The following HUNK variants were observed in gnomAD, a reference collection of about 807,000 sequenced individuals.
The protein encoded by HUNK is hormonally up-regulated Neu-associated kinase.
In HUNK, 21 loss-of-function variants were observed where a neutral mutation model predicts 61.0. That is an observed-to-expected ratio of 0.34 (90% CI 0.24 to 0.50). The LOEUF (loss-of-function observed/expected upper bound fraction) is 0.50, where lower values mean the gene tolerates loss of function less well. HUNK is among the 20% of genes least tolerant of loss of function. The pLI is 0.98. For synonymous variants in HUNK, 371 were observed against 386.1 expected (o/e 0.96, Z 0.46); for missense variants, 772 against 945.7 (o/e 0.82, Z 2.41).
intron 1 of HUNK, among the ~76,000 whole-genome samples, chr21:31,894,237 C>T (rs890699392): frequency 2.6e-5 from 4 of 152,050 alleles, no homozygotes; most frequent in African/African-American, 9.7e-5. Context: ...CATCCCAGGG[C>T]CTAGGGGAAG....
At chr21:31,961,004 CAT>C (rs2052924180) in intron 5 of HUNK, among the ~76,000 whole-genome samples, 1 of 152,300 alleles carries the variant, frequency 6.6e-6, no homozygotes, top group African/African-American at 2.4e-5. Flanking sequence ...AGTTTTTTCA[CAT>C]GAGTAATTTG....
intron 10 of HUNK, 39 bp from the exon 11 acceptor site, chr21:31,998,487 G>T: frequency 6.5e-7 from 1 of 1,532,940 alleles, no homozygotes; most frequent in South Asian, 1.3e-5. Flanking sequence ...AGCACTGTCC[G>T]GACGTCCTCA....
chr21:31,933,833 A>G (rs2052714744), intron 2 of HUNK, among the ~76,000 whole-genome samples: 1 of 151,420 alleles, frequency 6.6e-6, no homozygotes, highest in Non-Finnish European at 1.5e-5. Context: ...TATATGCCAC[A>G]GGGGGAGCTC....
rs1350601919 is a variant in HUNK, at chr21:32,003,478, A to G, written c.*4294A>G. 3 of 152,228 alleles carry G rather than the reference A, an allele frequency of 2.0e-5. No homozygotes were observed. Among genetic ancestry groups the G allele is most frequent in the Non-Finnish European group, 4.4e-5 (3 of 68,042 alleles). The allele number at this position is 152,228 out of a possible 1,614,324, so 9.4% of individuals were successfully genotyped here. Reference sequence around the variant, plus strand: ...AATTCAGAAAGAATGCAAAACTGCTATCTTTTGGGGGAGTCTGGAAGCCTG... The same window carrying G: ...AATTCAGAAAGAATGCAAAACTGCTGTCTTTTGGGGGAGTCTGGAAGCCTG... On this transcript the variant is annotated 3_prime_UTR_variant, in exon 11 of 11. Coordinates refer to ENST00000270112, the MANE Select transcript of HUNK (RefSeq NM_014586.2).
chr21:31,881,234 C>T (rs1374069724), intron 1 of HUNK, among the ~76,000 whole-genome samples: 3 of 152,134 alleles, frequency 2.0e-5, no homozygotes, highest in Admixed American at 6.5e-5. Context: ...CCATATGGAC[C>T]GTAGACAACG....
chr21:31,959,391 G>A (rs1406696377), intron 5 of HUNK, among the ~76,000 whole-genome samples: 1 of 152,162 alleles, frequency 6.6e-6, no homozygotes, highest in African/African-American at 2.4e-5. Context: ...AATGTTTGTT[G>A]CATTCAAGTT....
intron 2 of HUNK, among the ~76,000 whole-genome samples, chr21:31,934,295 T>C (rs1300712715): frequency 1.3e-5 from 2 of 151,678 alleles, no homozygotes; most frequent in Non-Finnish European, 2.9e-5. Context: ...TACAAAAAAT[T>C]AGCCGGGTGC....
chr21:31,946,974 CATCCCATTCTCA>C (rs2052808200), intron 4 of HUNK, among the ~76,000 whole-genome samples: 1 of 152,094 alleles, frequency 6.6e-6, no homozygotes, highest in Non-Finnish European at 1.5e-5. Flanking sequence ...CGGATTCCCA[CATCCCATTCTCA>C]AGCCAGTGGC....
chr21:31,954,125 G>T (rs2052871454), intron 4 of HUNK, among the ~76,000 whole-genome samples: 1 of 152,210 alleles, frequency 6.6e-6, no homozygotes, highest in African/African-American at 2.4e-5. Flanking sequence ...AGGCTTTAGA[G>T]TTGCTCCTCT....
chr21:31,998,995 G>A lies in HUNK; in HGVS notation c.1956G>A (p.Gly652=), dbSNP rs1442123000. 2 of 1,614,202 alleles carry A rather than the reference G, an allele frequency of 1.2e-6. No homozygotes were observed. The highest frequency in any genetic ancestry group is 1.7e-6 in the Non-Finnish European group (2 of 1,180,032). ...VPSNGPMQPL[G]SPNCVKSRGR... ...GCAATGGCCCCATGCAGCCTCTGGG[G>A]AGCCCCAATTGTGTGAAAAGCCGAG... Residue 652 remains glycine (G), a synonymous_variant, in exon 11 of 11, where the codon GGG becomes GGA. Transcript: ENST00000270112.
intron 2 of HUNK, among the ~76,000 whole-genome samples, chr21:31,926,792 C>A (rs940701704): frequency 1.3e-5 from 2 of 152,136 alleles, no homozygotes; most frequent in Admixed American, 1.3e-4. Flanking sequence ...GCTGTTTTCA[C>A]TTCTCAGAAA....
chr21:32,000,756 A>G lies in HUNK; in HGVS notation c.*1572A>G. On this transcript the variant is annotated 3_prime_UTR_variant, in exon 11 of 11. Coordinates refer to ENST00000270112, the MANE Select transcript of HUNK (RefSeq NM_014586.2). The stretch of plus-strand genomic sequence containing the variant: ...GAAGGCAGAGAGGCAGTTCTGAATC[A>G]TTCTCTCATTCACCAGTGGTGACAT... 2 of 398,642 alleles carry G rather than the reference A, an allele frequency of 5.0e-6. No homozygotes were observed. The highest frequency in any genetic ancestry group is 7.1e-5 in the East Asian group (2 of 28,072). 24.7% of individuals were successfully genotyped at this position (398,642 alleles called of 1,614,324 possible).
Position 31,873,938 on chromosome 21 carries a change from G to A in HUNK, c.261+3G>A. The A allele has an allele frequency of 1.3e-6, 2 of 1,519,466 alleles. No homozygotes were observed. Among genetic ancestry groups the A allele is most frequent in the Non-Finnish European group, 1.8e-6 (2 of 1,135,348 alleles). 94.1% of individuals were successfully genotyped at this position (1,519,466 alleles called of 1,614,324 possible). On this transcript the variant is annotated splice_donor_region_variant and intron_variant, in intron 1 of 10. Coordinates refer to ENST00000270112, the MANE Select transcript of HUNK (RefSeq NM_014586.2). The surrounding 1 kb of genome is among the most constrained non-coding windows in gnomAD (Gnocchi z 6.1). Reference sequence around the variant, plus strand: ...TGCACGTGCTGACCGGGGAGAAGGTGAGTCTCCCGGGCGCCGTGGGGCTGG... The same window carrying A: ...TGCACGTGCTGACCGGGGAGAAGGTAAGTCTCCCGGGCGCCGTGGGGCTGG...
intron 4 of HUNK, among the ~76,000 whole-genome samples, chr21:31,949,988 T>C (rs1293360561): frequency 6.6e-6 from 1 of 152,170 alleles, no homozygotes; most frequent in East Asian, 1.9e-4. Flanking sequence ...ATGAAAGACC[T>C]CAGCCACTTG....
chr21:32,002,720 T>C lies in HUNK; in HGVS notation c.*3536T>C, dbSNP rs1240296918. The C allele has an allele frequency of 1.3e-5, 2 of 152,144 alleles. No individual in the cohort carries two copies. The highest frequency in any genetic ancestry group is 2.9e-5 in the Non-Finnish European group (2 of 68,038). 9.4% of individuals were successfully genotyped at this position (152,144 alleles called of 1,614,324 possible). On this transcript the variant is annotated 3_prime_UTR_variant, in exon 11 of 11. Transcript: ENST00000270112. ...ATGGGAGGGTGGGATCTAGATGACC[T>C]CTTGAAATTGTCCCAGTTACTGCTT...
intron 2 of HUNK, among the ~76,000 whole-genome samples, chr21:31,939,688 G>A (rs547556157): frequency 2.7e-5 from 4 of 150,614 alleles, no homozygotes; most frequent in Non-Finnish European, 4.4e-5. Context: ...GATTATAGGC[G>A]TGAGCCACCG....
chr21:31,902,300 T>A (rs2052474051), intron 1 of HUNK, among the ~76,000 whole-genome samples: 1 of 152,056 alleles, frequency 6.6e-6, no homozygotes, highest in African/African-American at 2.4e-5. Flanking sequence ...CACCTGAGGT[T>A]GGGAGTTCGA....
At chr21:31,939,229 G>C (rs1052474866) in intron 2 of HUNK, among the ~76,000 whole-genome samples, 1 of 151,954 alleles carries the variant, frequency 6.6e-6, no homozygotes, top group South Asian at 2.1e-4. Flanking sequence ...ACATGTTCTC[G>C]GGTGTGACAG....
intron 7 of HUNK, among the ~76,000 whole-genome samples, chr21:31,982,378 A>G (rs2053103802): frequency 6.6e-6 from 1 of 152,234 alleles, no homozygotes; most frequent in Admixed American, 6.5e-5. Context: ...ATTTCTGCAC[A>G]TGGCTAATTT....
Sources: allele counts gnomAD v4.1 joint callset (sites outside exome capture counted in the v4.1 genomes callset), GRCh38; gene constraint gnomAD v4.1.1; non-coding constraint Gnocchi (gnomAD v3.1); transcripts MANE v1.5; gene names NCBI Gene and HGNC (gene_info 2026-07-23, HGNC 2026-07-21).